FMN1: variants seen among roughly 807,000 people sequenced by gnomAD.
FMN1 encodes formin 1, also known as formin-1.
A neutral mutation model predicts 132.4 loss-of-function variants in FMN1; 110 were observed. That is an observed-to-expected ratio of 0.83 (90% CI 0.71 to 0.97). The LOEUF (loss-of-function observed/expected upper bound fraction) is 0.97. FMN1 is among the 50% of genes least tolerant of loss of function. FMN1 has a pLI of 0.00. For missense variants in FMN1, 1,792 were observed against 1,705.3 expected (o/e 1.05, Z -0.90); for synonymous variants, 722 against 651.7 (o/e 1.11, Z -1.64).
At chr15:33,188,688 T>C (rs533324879) in intron 2 of FMN1, among the ~76,000 whole-genome samples, 7 of 151,072 alleles carry the variant, frequency 4.6e-5, no homozygotes, top group Non-Finnish European at 8.9e-5. Flanking sequence ...TAACAAAAGA[T>C]GAAGAAAAAA....
At chr15:32,875,939 C>G (rs1562928) in intron 16 of FMN1, among the ~76,000 whole-genome samples, 77,847 of 151,960 alleles carry the variant, frequency 0.51, 20,164 homozygotes, top group South Asian at 0.55. Context: ...CCCGGCCATG[C>G]TGCTTCCTAT....
chr15:32,914,780 A>T (rs905166929), intron 10 of FMN1, among the ~76,000 whole-genome samples: 1 of 152,140 alleles, frequency 6.6e-6, no homozygotes, highest in African/African-American at 2.4e-5. Flanking sequence ...GCCTGAAACC[A>T]CTCTGAGGCT....
chr15:32,930,956 C>G (rs2061101000), intron 9 of FMN1, among the ~76,000 whole-genome samples: 1 of 152,262 alleles, frequency 6.6e-6, no homozygotes, highest in East Asian at 1.9e-4. Flanking sequence ...ACTATCCTTT[C>G]CACATTGTAC....
At chr15:32,899,884 G>A in intron 14 of FMN1, 95 bp downstream of exon 14, 3 of 1,263,704 alleles carry the variant, frequency 2.4e-6, no homozygotes, top group Non-Finnish European at 2.2e-6. Context: ...GGAGGATAGA[G>A]ATAAATGGAA....
chr15:32,804,129 G>A (rs1178775647), intron 18 of FMN1, among the ~76,000 whole-genome samples, 152 bp downstream of exon 18: 1 of 152,078 alleles, frequency 6.6e-6, no homozygotes, highest in Non-Finnish European at 1.5e-5. Context: ...TGGGGAATGG[G>A]GAATTTGTGT....
intron 17 of FMN1, among the ~76,000 whole-genome samples, chr15:32,832,909 TTG>T (rs2058536617): frequency 6.6e-6 from 1 of 152,138 alleles, no homozygotes; most frequent in Admixed American, 6.5e-5. Flanking sequence ...TAATGTTGTT[TTG>T]TGAGAGGTAG....
intron 12 of FMN1, among the ~76,000 whole-genome samples, chr15:32,904,172 C>A (rs1460257440): frequency 6.6e-6 from 1 of 151,876 alleles, no homozygotes; most frequent in East Asian, 1.9e-4. Context: ...GTGATGGATC[C>A]AGAAGAGGAG....
chr15:33,193,224 C>T (rs994541511), intron 2 of FMN1, among the ~76,000 whole-genome samples: 7 of 152,054 alleles, frequency 4.6e-5, no homozygotes, highest in African/African-American at 1.7e-4. Flanking sequence ...TCTTCCACAA[C>T]GACAGTTAAT....
chr15:32,789,535 G>A (rs997613345), intron 19 of FMN1, among the ~76,000 whole-genome samples: 2 of 152,154 alleles, frequency 1.3e-5, no homozygotes, highest in Non-Finnish European at 2.9e-5. Context: ...AGGTTATAAT[G>A]GAGCTCAAAA....
At chr15:32,791,852 C>T (rs1343295369) in intron 19 of FMN1, among the ~76,000 whole-genome samples, 1 of 152,086 alleles carries the variant, frequency 6.6e-6, no homozygotes, top group African/African-American at 2.4e-5. Context: ...GAATAATTTC[C>T]AACCGAGACA....
intron 18 of FMN1, among the ~76,000 whole-genome samples, chr15:32,803,949 A>C (rs2057569549): frequency 6.6e-6 from 1 of 152,204 alleles, no homozygotes; most frequent in African/African-American, 2.4e-5. Flanking sequence ...TTATGGATGC[A>C]TAGTCTTAAC....
chr15:32,827,521 T>C (rs146519199), intron 17 of FMN1, among the ~76,000 whole-genome samples: 1 of 152,300 alleles, frequency 6.6e-6, no homozygotes, highest in East Asian at 1.9e-4. Flanking sequence ...CATTTCACAT[T>C]ATTGTCTTGT....
chr15:33,122,048 A>C (rs1303891036), intron 4 of FMN1, among the ~76,000 whole-genome samples: 1 of 151,758 alleles, frequency 6.6e-6, no homozygotes, highest in African/African-American at 2.4e-5. Context: ...CAGTCAGGCC[A>C]ATAGACAAAG....
intron 5 of FMN1, among the ~76,000 whole-genome samples, chr15:33,076,886 G>T (rs2038233705): frequency 6.6e-6 from 1 of 152,180 alleles, no homozygotes; most frequent in African/African-American, 2.4e-5. Context: ...GGGTAGAAAG[G>T]TCACAAATGA....
At chr15:32,924,468 T>A (rs1156971518) in intron 10 of FMN1, among the ~76,000 whole-genome samples, 1 of 152,242 alleles carries the variant, frequency 6.6e-6, no homozygotes, top group Non-Finnish European at 1.5e-5. Context: ...ATGGGTATTC[T>A]GCTGAGTAGC....
intron 2 of FMN1, among the ~76,000 whole-genome samples, chr15:33,192,629 T>C (rs142275460): frequency 4.1e-4 from 62 of 152,260 alleles, no homozygotes; most frequent in African/African-American, 1.4e-3. Context: ...GTGGCTTCAA[T>C]AGTGGCACCC....
chr15:32,942,884 T>C (rs1298377996), intron 9 of FMN1, among the ~76,000 whole-genome samples: 1 of 152,204 alleles, frequency 6.6e-6, no homozygotes, highest in East Asian at 1.9e-4. Context: ...TTTTCCTGTC[T>C]GAATCAACTA....
At chr15:32,806,632 G>A (rs115950218) in intron 17 of FMN1, among the ~76,000 whole-genome samples, 1 of 152,164 alleles carries the variant, frequency 6.6e-6, no homozygotes, top group African/African-American at 2.4e-5. Context: ...CTGTTTGGTG[G>A]CATTACCTCC....
At chr15:33,075,141 TCCC>T (rs2038157883) in intron 5 of FMN1, among the ~76,000 whole-genome samples, 1 of 149,624 alleles carries the variant, frequency 6.7e-6, no homozygotes, top group African/African-American at 2.5e-5. Flanking sequence ...GTGCTGCAGC[TCCC>T]TCACCTGGAA....
Sources: allele counts gnomAD v4.1 joint callset (sites outside exome capture counted in the v4.1 genomes callset), GRCh38; gene constraint gnomAD v4.1.1; transcripts MANE v1.5; gene names NCBI Gene and HGNC (gene_info 2026-07-23, HGNC 2026-07-21).